CLDN16: variants seen among roughly 807,000 people sequenced by gnomAD.
The protein encoded by CLDN16 is claudin 16.
CLDN16 carries 13 observed loss-of-function variants against 24.6 expected under a neutral mutation model. That is an observed-to-expected ratio of 0.53 (90% CI 0.34 to 0.84). The LOEUF (loss-of-function observed/expected upper bound fraction) is 0.84. CLDN16 is among the 40% of genes least tolerant of loss of function. The pLI is 0.01. For missense variants in CLDN16, 298 were observed against 292.7 expected, an observed-to-expected ratio of 1.02 and a Z score of -0.13; for synonymous variants, 116 against 106.7, an observed-to-expected ratio of 1.09 and a Z score of -0.54.
chr3:190,377,098 T>C (rs1718263166), intron 3 of CLDN16, among the ~76,000 whole-genome samples: 1 of 151,874 alleles, frequency 6.6e-6, no homozygotes, highest in Non-Finnish European at 1.5e-5. Context: ...AAAATGTTAC[T>C]GGGTTCAAAG....
the CLDN16 span, among the ~76,000 whole-genome samples, chr3:190,296,234 ACAGT>A: frequency 1.3e-5 from 2 of 152,234 alleles, no homozygotes; most frequent in African/African-American, 2.4e-5. Context: ...TTCTCATGAA[ACAGT>A]CAGGCAATAC....
intron 1 of CLDN16, among the ~76,000 whole-genome samples, chr3:190,363,907 G>A (rs1207607564): frequency 5.3e-5 from 5 of 94,582 alleles, no homozygotes; most frequent in Non-Finnish European, 1.0e-4. Context: ...CCTTGAATGT[G>A]TGTATATTCT....
At chr3:190,390,354 T>C (rs185951410) in intron 1 of CLDN16, among the ~76,000 whole-genome samples, 328 of 152,190 alleles carry the variant, frequency 2.2e-3, no homozygotes, top group African/African-American at 7.7e-3. Flanking sequence ...GCCGACATAG[T>C]GAAACCCCAT....
intron 1 of CLDN16, 89 bp downstream of exon 1, chr3:190,388,532 A>G (rs1468049341): frequency 9.1e-7 from 1 of 1,102,342 alleles, no homozygotes; most frequent in East Asian, 2.3e-5. Context: ...CAGTATCTTT[A>G]CTAAGGCTAA....
chr3:190,368,361 C>T (rs1179892951), intron 1 of CLDN16, among the ~76,000 whole-genome samples: 1 of 151,886 alleles, frequency 6.6e-6, no homozygotes, highest in African/African-American at 2.4e-5. Context: ...TCAATTCTTT[C>T]CCCCATTGTG....
At chr3:190,312,830 G>T in the CLDN16 span, 1 of 1,604,782 alleles carries the variant, frequency 6.2e-7, no homozygotes, top group Non-Finnish European at 8.5e-7. Context: ...ATCATACCAG[G>T]AACAGGTTAG....
At chr3:190,314,405 C>CT in the CLDN16 span, among the ~76,000 whole-genome samples, 2 of 151,912 alleles carry the variant, frequency 1.3e-5, no homozygotes, top group Non-Finnish European at 2.9e-5. Context: ...CTTTATTTTT[C>CT]TTTTTTTGAG....
At position 190,335,635 on chromosome 3, in the gene CLDN16, C is replaced by A. The variant is rs533850611; in HGVS notation, n.121+12974C>A. On this transcript the variant is annotated intron_variant and non_coding_transcript_variant, in intron 1 of 4. Coordinates refer to the CLDN16 transcript ENST00000468220. ...GCTGAGGCAGGGGAATCACTTGAAC[C>A]CAGGAGGCGGAGCTTGCAGTGAGCC... 4.1e-5 allele frequency among the ~76,000 whole-genome samples: 6 copies of A among 146,160 alleles called. No homozygotes were observed. In the South Asian group the frequency reaches 1.3e-3, roughly 32 times the overall value.
intron 1 of CLDN16, among the ~76,000 whole-genome samples, chr3:190,350,142 T>A (rs1258592477): frequency 6.6e-6 from 1 of 152,066 alleles, no homozygotes; most frequent in African/African-American, 2.4e-5. Context: ...TACATCTTAA[T>A]GTCTTATGAA....
chr3:190,348,067 C>T (rs1285558652), intron 1 of CLDN16, among the ~76,000 whole-genome samples: 5 of 147,682 alleles, frequency 3.4e-5, no homozygotes, highest in African/African-American at 7.6e-5. Flanking sequence ...CAAGGTGAAA[C>T]CCCGTCTCTA....
At chr3:190,313,804 T>A in the CLDN16 span, among the ~76,000 whole-genome samples, 6 of 152,192 alleles carry the variant, frequency 3.9e-5, no homozygotes, top group Non-Finnish European at 5.9e-5. Flanking sequence ...TAATTTCCCA[T>A]CATTATTTTT....
chr3:190,291,394 C>T, the CLDN16 span, among the ~76,000 whole-genome samples: 1 of 152,200 alleles, frequency 6.6e-6, no homozygotes, highest in South Asian at 2.1e-4. Flanking sequence ...GAGGCAGTCA[C>T]ATCTTATATG....
intron 1 of CLDN16, among the ~76,000 whole-genome samples, chr3:190,358,529 C>T (rs1717823029): frequency 6.6e-6 from 1 of 151,858 alleles, no homozygotes; most frequent in African/African-American, 2.4e-5. Context: ...AGAGGGTAGA[C>T]TGGAAAGCAA....
At chr3:190,293,362 A>T in the CLDN16 span, among the ~76,000 whole-genome samples, 1 of 152,234 alleles carries the variant, frequency 6.6e-6, no homozygotes, top group Non-Finnish European at 1.5e-5. Context: ...TTGGGTGGGA[A>T]CACAAAGCCA....
rs769190460 is a variant in CLDN16, at chr3:190,408,391, A to G, written c.460A>G (p.Ile154Val). 8.1e-6 allele frequency: 13 copies of G among 1,613,978 alleles called. No homozygotes were observed. In the South Asian group the frequency reaches 8.8e-5, roughly 11 times the overall value. The change falls in exon 4 of 5, where the codon ATA becomes GTA. Residue 154 changes from isoleucine (I) to valine (V), a missense_variant. Transcript: ENST00000264734. ...ACGTTCTACTTTGGTTTTGCACAAT[A>G]TATTTCTTGGTATCCAATATAAATT... Reference protein sequence around the residue: ...VERSTLVLHNIFLGIQYKFGW... With the variant: ...VERSTLVLHNVFLGIQYKFGW...
the CLDN16 span, among the ~76,000 whole-genome samples, chr3:190,291,490 T>G: frequency 6.6e-6 from 1 of 152,120 alleles, no homozygotes; most frequent in Admixed American, 6.5e-5. Context: ...TCACTCACTA[T>G]CATGAGGACA....
chr3:190,313,174 T>A, the CLDN16 span: 1 of 910,524 alleles, frequency 1.1e-6, no homozygotes, highest in South Asian at 1.5e-5. Context: ...GTCATACTGA[T>A]GTTTCCGCTG....
chr3:190,372,267 C>A (rs936799109), intron 2 of CLDN16, among the ~76,000 whole-genome samples: 1 of 151,900 alleles, frequency 6.6e-6, no homozygotes, highest in Non-Finnish European at 1.5e-5. Flanking sequence ...GGATAGACAC[C>A]CAGCTCCTTC....
intron 1 of CLDN16, among the ~76,000 whole-genome samples, chr3:190,364,079 G>T (rs139900379): frequency 1.3e-5 from 2 of 151,350 alleles, no homozygotes; most frequent in African/African-American, 4.8e-5. Flanking sequence ...TTTTTGGATT[G>T]CACTATAAAT....
Sources: allele counts gnomAD v4.1 joint callset (sites outside exome capture counted in the v4.1 genomes callset), GRCh38; gene constraint gnomAD v4.1.1; transcripts MANE v1.5; gene names NCBI Gene and HGNC (gene_info 2026-07-23, HGNC 2026-07-21).